The following TRPM3 variants were observed in gnomAD, a reference collection of about 807,000 sequenced individuals.
TRPM3 encodes transient receptor potential cation channel subfamily M member 3, also known as long transient receptor potential channel 3.
In TRPM3, 77 loss-of-function variants were observed where a neutral mutation model predicts 181.2. That is an observed-to-expected ratio of 0.42 (90% CI 0.35 to 0.51). The LOEUF is 0.51. Ranked by LOEUF, TRPM3 falls within the 20% of genes least tolerant of loss-of-function variation. The pLI, the probability that TRPM3 is intolerant of heterozygous loss-of-function variation, is 0.01. For synonymous variants in TRPM3, 745 were observed against 796.4 expected, an observed-to-expected ratio of 0.94 and a Z score of 1.09; for missense variants, 1,759 against 2,196.7, an observed-to-expected ratio of 0.80 and a Z score of 3.98.
intron 1 of TRPM3, among the ~76,000 whole-genome samples, chr9:70,965,965 G>C (rs2097180759): frequency 6.6e-6 from 1 of 151,422 alleles, no homozygotes; most frequent in African/African-American, 2.4e-5. Flanking sequence ...CTACAGAATG[G>C]GAGAAAACTT....
At chr9:71,018,400 A>G (rs1050998194) in intron 1 of TRPM3, among the ~76,000 whole-genome samples, 1 of 151,858 alleles carries the variant, frequency 6.6e-6, no homozygotes, top group Non-Finnish European at 1.5e-5. Context: ...TTTAGAAAAG[A>G]CAAATGAAAC....
At chr9:70,773,312 TACCTA>T (rs903913918) in intron 7 of TRPM3, among the ~76,000 whole-genome samples, 2 of 152,154 alleles carry the variant, frequency 1.3e-5, no homozygotes, top group African/African-American at 4.8e-5. Flanking sequence ...TTTAGCAAAT[TACCTA>T]ACCTTTCTGT....
chr9:70,855,799 T>C (rs1421217639), intron 3 of TRPM3, among the ~76,000 whole-genome samples: 2 of 152,234 alleles, frequency 1.3e-5, no homozygotes, highest in Non-Finnish European at 2.9e-5. Flanking sequence ...GCAATTTTGC[T>C]AATACCAGCT....
intron 8 of TRPM3, among the ~76,000 whole-genome samples, chr9:70,694,906 G>T (rs2069824695): frequency 6.6e-6 from 1 of 152,214 alleles, no homozygotes; most frequent in African/African-American, 2.4e-5. Flanking sequence ...CACTGTTGAT[G>T]CTTAGCCAGT....
intron 5 of TRPM3, among the ~76,000 whole-genome samples, chr9:70,828,226 GTATT>G (rs900963274): frequency 2.6e-5 from 4 of 152,158 alleles, no homozygotes; most frequent in East Asian, 1.9e-4. Context: ...GCTTAAATGA[GTATT>G]TATTTATTTA....
intron 1 of TRPM3, among the ~76,000 whole-genome samples, chr9:70,915,358 C>T (rs1228414745): frequency 6.6e-6 from 1 of 151,870 alleles, no homozygotes; most frequent in Non-Finnish European, 1.5e-5. Flanking sequence ...AGTGCACTGG[C>T]CCAATCTCGG....
chr9:70,968,663 T>C (rs2097208799), intron 1 of TRPM3, among the ~76,000 whole-genome samples: 2 of 152,274 alleles, frequency 1.3e-5, no homozygotes, highest in South Asian at 2.1e-4. Flanking sequence ...AAATGAACAT[T>C]GTGGGATGGT....
intron 1 of TRPM3, among the ~76,000 whole-genome samples, chr9:71,259,001 C>T (rs574966926): frequency 1.3e-5 from 2 of 152,200 alleles, no homozygotes; most frequent in South Asian, 2.1e-4. Context: ...CCCATCAACC[C>T]GTCATCTACA....
intron 1 of TRPM3, among the ~76,000 whole-genome samples, chr9:71,034,524 C>T (rs1243575897): frequency 2.6e-5 from 4 of 151,900 alleles, no homozygotes; most frequent in African/African-American, 9.7e-5. Context: ...CATCCCATAC[C>T]TCTAATATCT....
At chr9:70,637,161 T>C (rs961582361) in intron 11 of TRPM3, among the ~76,000 whole-genome samples, 11 of 152,176 alleles carry the variant, frequency 7.2e-5, no homozygotes, top group African/African-American at 2.7e-4. Flanking sequence ...TCTACACCTC[T>C]GCTGCTTACT....
intron 1 of TRPM3, among the ~76,000 whole-genome samples, chr9:70,923,271 G>A (rs563780367): frequency 1.6e-4 from 25 of 152,080 alleles, no homozygotes; most frequent in African/African-American, 5.3e-4. Context: ...TCATGTTCAC[G>A]TTTTATACTT....
chr9:70,881,769 A>T (rs2095997557), intron 1 of TRPM3, among the ~76,000 whole-genome samples: 1 of 152,180 alleles, frequency 6.6e-6, no homozygotes, highest in Non-Finnish European at 1.5e-5. Context: ...TTTCCTTTAC[A>T]GTACTGCCTT....
intron 1 of TRPM3, among the ~76,000 whole-genome samples, chr9:71,188,969 G>T (rs2077848001): frequency 6.6e-6 from 1 of 151,770 alleles, no homozygotes; most frequent in Non-Finnish European, 1.5e-5. Flanking sequence ...TGAGGAAAAA[G>T]GTCTATTTTA....
rs1587546257 is a variant in TRPM3, at chr9:71,131,617, TA to T, written c.184-267107del. ...GTCATTTAGCATTCCTTATGGTGAC[TA>T]TTGCTTGTCTATAAACTGATTTGAA... On this transcript the variant is annotated intron_variant, in intron 1 of 24. Transcript: ENST00000357533. Among the ~76,000 whole-genome samples, 6 of 152,308 alleles carry T rather than the reference TA, an allele frequency of 3.9e-5. 1 individual carries two copies. The East Asian group carries it at 1.2e-3, about 29-fold the overall frequency.
chr9:71,222,176 T>C (rs1288134096), intron 1 of TRPM3, among the ~76,000 whole-genome samples: 1 of 152,208 alleles, frequency 6.6e-6, no homozygotes, highest in Non-Finnish European at 1.5e-5. Flanking sequence ...ACTGACTGAA[T>C]GAATGACTAA....
chr9:71,105,285 G>A (rs530943331), intron 1 of TRPM3, among the ~76,000 whole-genome samples: 2 of 152,168 alleles, frequency 1.3e-5, no homozygotes, highest in Non-Finnish European at 2.9e-5. Context: ...TAATGTGATG[G>A]CCAATCAGAT....
chr9:71,066,444 G>C (rs1205179988), intron 1 of TRPM3, among the ~76,000 whole-genome samples: 1 of 152,108 alleles, frequency 6.6e-6, no homozygotes, highest in African/African-American at 2.4e-5. Flanking sequence ...ATTTGAAATT[G>C]TAAAAAATTC....
chr9:71,191,272 CTG>C, intron 1 of TRPM3, among the ~76,000 whole-genome samples: 1 of 151,944 alleles, frequency 6.6e-6, no homozygotes. Flanking sequence ...ATAGTAGACA[CTG>C]TACATTTTTG....
intron 12 of TRPM3, among the ~76,000 whole-genome samples, chr9:70,627,077 A>G (rs1397368900): frequency 7.2e-6 from 1 of 138,946 alleles, no homozygotes; most frequent in Non-Finnish European, 1.6e-5. Context: ...TTATGTTCTC[A>G]GTAACAAAAC....
Sources: gnomAD v4.1 joint callset for allele counts (sites outside exome capture counted in the v4.1 genomes callset) on GRCh38, gnomAD v4.1.1 for gene constraint, MANE v1.5 for transcripts, NCBI Gene and HGNC (gene_info 2026-07-23, HGNC 2026-07-21) for gene names.